The following CACNB4 variants were observed in gnomAD, a reference collection of about 807,000 sequenced individuals.
The protein encoded by CACNB4 is voltage-dependent L-type calcium channel subunit beta-4.
A neutral mutation model predicts 71.2 loss-of-function variants in CACNB4; 32 were observed. The observed-to-expected ratio is 0.45, with a 90% CI of 0.34 to 0.60. The LOEUF (loss-of-function observed/expected upper bound fraction) is 0.60. Among genes scored for constraint, CACNB4 ranks in the 20% least tolerant of loss-of-function variants. The pLI, the probability that CACNB4 is intolerant of heterozygous loss-of-function variation, is 0.01. For missense variants in CACNB4, 464 were observed against 647.9 expected, an observed-to-expected ratio of 0.72 and a Z score of 3.08; for synonymous variants, 231 against 236.9, an observed-to-expected ratio of 0.97 and a Z score of 0.23.
intron 2 of CACNB4, among the ~76,000 whole-genome samples, chr2:151,906,977 C>T (rs1225188226): frequency 2.6e-4 from 39 of 152,212 alleles, no homozygotes; most frequent in Admixed American, 2.6e-3. Context: ...TATCATTGCA[C>T]TTACATTATT....
chr2:151,973,845 C>T, intron 2 of CACNB4: 1 of 1,492,770 alleles, frequency 6.7e-7, no homozygotes, highest in South Asian at 1.4e-5. Context: ...GTGGATTTAC[C>T]AGGCAAGATG....
intron 2 of CACNB4, among the ~76,000 whole-genome samples, chr2:152,034,278 C>A (rs1684438117): frequency 6.6e-6 from 1 of 152,204 alleles, no homozygotes; most frequent in African/African-American, 2.4e-5. Context: ...AAAAATACTT[C>A]TATGCTGGAC....
intron 2 of CACNB4, among the ~76,000 whole-genome samples, chr2:152,086,767 C>T (rs1687682083): frequency 6.6e-6 from 1 of 152,170 alleles, no homozygotes; most frequent in Non-Finnish European, 1.5e-5. Flanking sequence ...AAACCACCCC[C>T]CTCTATAGAT....
intron 2 of CACNB4, chr2:151,972,697 T>G (rs1378350957): frequency 7.0e-6 from 1 of 142,810 alleles, no homozygotes; most frequent in African/African-American, 2.5e-5. Flanking sequence ...GGGTTTTTTT[T>G]TGTTTTTTGT....
At chr2:151,938,733 C>G (rs75164802) in intron 2 of CACNB4, among the ~76,000 whole-genome samples, 3 of 152,184 alleles carry the variant, frequency 2.0e-5, no homozygotes, top group Non-Finnish European at 4.4e-5. Flanking sequence ...CCTCCTACCC[C>G]CAATACACAA....
intron 2 of CACNB4, among the ~76,000 whole-genome samples, chr2:152,094,455 G>C (rs1344701995): frequency 1.3e-5 from 2 of 152,190 alleles, no homozygotes; most frequent in African/African-American, 4.8e-5. Flanking sequence ...ACAAGGAAAA[G>C]TCAACAAACT....
chr2:152,058,104 G>A (rs1318190407), intron 2 of CACNB4, among the ~76,000 whole-genome samples: 1 of 152,144 alleles, frequency 6.6e-6, no homozygotes, highest in Non-Finnish European at 1.5e-5. Context: ...TGTAAAAAAG[G>A]TCCTCACTTT....
At chr2:151,846,636 T>C (rs1018180827) in intron 12 of CACNB4, among the ~76,000 whole-genome samples, 3 of 152,204 alleles carry the variant, frequency 2.0e-5, no homozygotes, top group African/African-American at 7.2e-5. Flanking sequence ...CACTGAAGCC[T>C]TAATCTCTGG....
intron 10 of CACNB4, 139 bp downstream of exon 10, chr2:151,860,572 T>C: frequency 1.5e-6 from 1 of 683,606 alleles, no homozygotes; most frequent in Non-Finnish European, 2.7e-6. Context: ...TTCTTGTCCA[T>C]AGCTAGCATT....
At chr2:151,925,830 G>T (rs2099860102) in intron 2 of CACNB4, among the ~76,000 whole-genome samples, 1 of 152,144 alleles carries the variant, frequency 6.6e-6, no homozygotes, top group Non-Finnish European at 1.5e-5. Context: ...GACAGGACTT[G>T]CTGATGGATT....
chr2:152,048,966 G>A (rs17326047), intron 2 of CACNB4, among the ~76,000 whole-genome samples: 62,143 of 152,010 alleles, frequency 0.41, 15,626 homozygotes, highest in Non-Finnish European at 0.57. Flanking sequence ...GAGAGGGCAT[G>A]AGCTAGGTTT....
At chr2:152,091,629 CCTT>C (rs1322419751) in intron 2 of CACNB4, among the ~76,000 whole-genome samples, 1 of 152,060 alleles carries the variant, frequency 6.6e-6, no homozygotes, top group Non-Finnish European at 1.5e-5. Flanking sequence ...GAGTGAGACT[CCTT>C]CTCAAACAAA....
At chr2:151,941,067 T>C (rs2099864108) in intron 2 of CACNB4, among the ~76,000 whole-genome samples, 1 of 152,180 alleles carries the variant, frequency 6.6e-6, no homozygotes. Flanking sequence ...ACTTAGAGTT[T>C]CTAAAAGTAA....
At chr2:151,964,157 G>A (rs1344993223) in intron 2 of CACNB4, among the ~76,000 whole-genome samples, 2 of 151,846 alleles carry the variant, frequency 1.3e-5, no homozygotes, top group African/African-American at 4.8e-5. Context: ...TCTATCAGTG[G>A]GAAAAATTCA....
At chr2:151,915,072 A>G (rs941633752) in intron 2 of CACNB4, among the ~76,000 whole-genome samples, 1 of 152,164 alleles carries the variant, frequency 6.6e-6, no homozygotes, top group Non-Finnish European at 1.5e-5. Flanking sequence ...CAGAACTACC[A>G]AGAGGAGAGG....
rs142744583 is a variant in CACNB4 at position 152,086,852 on chromosome 2, C to T, written c.147+11478G>A. Among the ~76,000 whole-genome samples the T allele has an allele frequency of 1.5e-4, 23 of 152,276 alleles. No individual in the cohort carries two copies. The East Asian group carries it at 4.1e-3, about 27-fold the overall frequency. On this transcript the variant is annotated intron_variant, in intron 2 of 13. Coordinates refer to ENST00000539935, the MANE Select transcript of CACNB4 (RefSeq NM_000726.5). ...CATGCAGGTTAAAGAGTTTTGTGGCCGGGCGCGGTGGCTCACGCCTATAAT... is the reference window on the plus strand; with the variant it reads ...CATGCAGGTTAAAGAGTTTTGTGGCTGGGCGCGGTGGCTCACGCCTATAAT...
At chr2:152,044,465 G>C (rs1285734595) in intron 2 of CACNB4, among the ~76,000 whole-genome samples, 1 of 152,126 alleles carries the variant, frequency 6.6e-6, no homozygotes, top group Non-Finnish European at 1.5e-5. Flanking sequence ...TGATCCGCCT[G>C]CCTCAGCCTC....
intron 2 of CACNB4, among the ~76,000 whole-genome samples, chr2:151,926,732 A>G (rs972107915): frequency 4.6e-5 from 7 of 152,214 alleles, no homozygotes; most frequent in Admixed American, 6.5e-5. Context: ...CATGCTCATT[A>G]CTATTTCAAA....
intron 3 of CACNB4, chr2:151,883,039 A>G: frequency 1.8e-6 from 1 of 549,862 alleles, no homozygotes; most frequent in Non-Finnish European, 3.2e-6. Flanking sequence ...CCACCAAACC[A>G]AATACAAAAA....
Sources: gnomAD v4.1 joint callset for allele counts (sites outside exome capture counted in the v4.1 genomes callset) on GRCh38, gnomAD v4.1.1 for gene constraint, MANE v1.5 for transcripts, NCBI Gene and HGNC (gene_info 2026-07-23, HGNC 2026-07-21) for gene names.